SLTM: variants seen among roughly 807,000 people sequenced by gnomAD.
The protein encoded by SLTM is SAFB-like transcription modulator.
Under a neutral mutation model 134.6 loss-of-function variants are expected in SLTM, and 43 were observed. The ratio of observed to expected loss-of-function variants is 0.32; its 90% CI spans 0.25 to 0.41. SLTM has a LOEUF of 0.41. Among genes scored for constraint, SLTM ranks in the 10% least tolerant of loss-of-function variants. The pLI is 1.00. For synonymous variants in SLTM, 424 were observed against 432.3 expected, an observed-to-expected ratio of 0.98 and a Z score of 0.24; for missense variants, 1,055 against 1,288.8, an observed-to-expected ratio of 0.82 and a Z score of 2.78.
chr15:58,884,172 A>C (rs1411107366), intron 19 of SLTM, among the ~76,000 whole-genome samples: 7 of 152,112 alleles, frequency 4.6e-5, no homozygotes, highest in Admixed American at 2.6e-4. Context: ...GTGTGCTTTT[A>C]ATGTCAGAAG....
chr15:58,908,062 C>CT (rs71119416), intron 5 of SLTM, among the ~76,000 whole-genome samples: 87,272 of 134,930 alleles, frequency 0.65, 29,122 homozygotes, highest in Middle Eastern at 0.78. Flanking sequence ...CTTTTTCTTT[C>CT]TTTTTTTTTT....
intron 2 of SLTM, among the ~76,000 whole-genome samples, chr15:58,920,622 CA>C (rs1193884497): frequency 1.3e-5 from 1 of 78,958 alleles, no homozygotes; most frequent in Non-Finnish European, 2.4e-5. Context: ...GACTCCATCT[CA>C]AAATAATAAA....
At chr15:58,890,042 T>C in intron 15 of SLTM, 2 of 545,704 alleles carry the variant, frequency 3.7e-6, no homozygotes, top group Admixed American at 3.2e-5. Context: ...ATGCTCAGAC[T>C]ATTAGGCTGC....
At chr15:58,925,558 G>A (rs1299932958) in intron 2 of SLTM, among the ~76,000 whole-genome samples, 2 of 151,960 alleles carry the variant, frequency 1.3e-5, no homozygotes, top group African/African-American at 2.4e-5. Context: ...TGCTGGTCTC[G>A]AACTCCTGAC....
At chr15:58,905,920 T>G (rs1296298846) in intron 5 of SLTM, among the ~76,000 whole-genome samples, 1 of 152,212 alleles carries the variant, frequency 6.6e-6, no homozygotes, top group Non-Finnish European at 1.5e-5. Context: ...TGACATACAT[T>G]TATATGCCGG....
chr15:58,906,148 A>T (rs2035852540), intron 5 of SLTM, among the ~76,000 whole-genome samples: 1 of 152,248 alleles, frequency 6.6e-6, no homozygotes, highest in African/African-American at 2.4e-5. Context: ...ACAATGGGAA[A>T]CTTTCCCTGT....
At chr15:58,886,856 G>C in intron 19 of SLTM, 119 bp downstream of exon 19, 1 of 1,239,736 alleles carries the variant, frequency 8.1e-7, no homozygotes, top group East Asian at 2.4e-5. Context: ...TAATGCCTCT[G>C]AATCATTCCA....
At chr15:58,922,431 A>T (rs1434180013) in intron 2 of SLTM, among the ~76,000 whole-genome samples, 1 of 142,536 alleles carries the variant, frequency 7.0e-6, no homozygotes, top group African/African-American at 2.5e-5. Flanking sequence ...CTCAGAACCT[A>T]GTACAACACT....
At position 58,928,257 on chromosome 15, in the gene SLTM, CAA is replaced by C. The variant is rs578125243; in HGVS notation, c.250+4097_250+4098del. The stretch of plus-strand genomic sequence containing the variant: ...AAGGATATGCCAGCATCAGGTAAAC[CAA>C]AAGTCTTTAAATCTATAATCTCTAA... On this transcript the variant is annotated intron_variant, in intron 2 of 20. Transcript: ENST00000380516. Among the ~76,000 whole-genome samples the C allele has an allele frequency of 1.6e-4, 24 of 152,142 alleles. No homozygotes were observed. In the South Asian group the frequency reaches 2.5e-3, roughly 16 times the overall value.
intron 2 of SLTM, among the ~76,000 whole-genome samples, chr15:58,921,071 A>C (rs542061005): frequency 2.2e-4 from 34 of 152,242 alleles, no homozygotes; most frequent in Non-Finnish European, 2.8e-4. Context: ...CTCTTCTTTT[A>C]GTGAAAAACA....
chr15:58,894,672 T>A, intron 9 of SLTM, 90 bp from the exon 10 acceptor site: 1 of 1,208,606 alleles, frequency 8.3e-7, no homozygotes, highest in Non-Finnish European at 1.2e-6. Flanking sequence ...TGAAACTATA[T>A]ATTAATTCAG....
At chr15:58,903,896 A>G (rs573373855) in intron 5 of SLTM, among the ~76,000 whole-genome samples, 1 of 152,352 alleles carries the variant, frequency 6.6e-6, no homozygotes, top group Admixed American at 6.5e-5. Flanking sequence ...TTAGATTCAT[A>G]TAAAAGCATG....
chr15:58,912,705 G>T, intron 4 of SLTM, 95 bp from the exon 5 acceptor site: 1 of 1,002,280 alleles, frequency 1.0e-6, no homozygotes, highest in Non-Finnish European at 1.5e-6. Flanking sequence ...TTTGCCTTGT[G>T]TTCTGTATAA....
chr15:58,921,015 C>T (rs866784623), intron 2 of SLTM, among the ~76,000 whole-genome samples: 23 of 152,224 alleles, frequency 1.5e-4, no homozygotes, highest in South Asian at 2.1e-4. Flanking sequence ...TGGCAGTCCT[C>T]AGCATAATGA....
rs368918193 is a variant in SLTM at position 58,888,366 on chromosome 15, C to G, written c.2375+19G>C. 3 of 1,562,632 alleles carry G rather than the reference C, an allele frequency of 1.9e-6. No individual in the cohort carries two copies. Among genetic ancestry groups the G allele is most frequent in the Non-Finnish European group, 2.6e-6 (3 of 1,157,934 alleles). On this transcript the variant is annotated intron_variant, in intron 17 of 20. Coordinates refer to ENST00000380516, the MANE Select transcript of SLTM (RefSeq NM_024755.4). ...AGCAAGGCTCATAAAATAAATATAA[C>G]AATTTTCAACATATCTACCTTTCAA...
intron 2 of SLTM, among the ~76,000 whole-genome samples, chr15:58,924,386 C>T (rs1456016873): frequency 6.6e-6 from 1 of 152,070 alleles, no homozygotes; most frequent in Non-Finnish European, 1.5e-5. Flanking sequence ...TTTGTATAAG[C>T]CCAAAAATTC....
At chr15:58,918,091 A>G in intron 2 of SLTM, among the ~76,000 whole-genome samples, 1 of 152,218 alleles carries the variant, frequency 6.6e-6, no homozygotes, top group South Asian at 2.1e-4. Flanking sequence ...CCACATTAAA[A>G]AAAAAAAAAA....
intron 7 of SLTM, 120 bp from the exon 8 acceptor site, chr15:58,898,972 A>G: frequency 1.5e-6 from 1 of 687,552 alleles, no homozygotes. Context: ...AACAATTCCA[A>G]AGGCCTAGAT....
chr15:58,899,376 T>C lies in SLTM; in HGVS notation c.1058+93A>G, dbSNP rs535985988. The C allele has an allele frequency of 9.4e-6, 9 of 962,274 alleles. No individual in the cohort carries two copies. The highest frequency in any genetic ancestry group is 2.2e-4 in the Middle Eastern group (1 of 4,600). 59.6% of individuals were successfully genotyped at this position (962,274 alleles called of 1,614,324 possible). A position where few individuals can be genotyped will look rare whatever the true frequency, so the allele number is the denominator to read the frequency against. On this transcript the variant is annotated intron_variant, in intron 7 of 20. Coordinates refer to ENST00000380516, the MANE Select transcript of SLTM (RefSeq NM_024755.4). The surrounding 1 kb of genome is among the most constrained non-coding windows in gnomAD (Gnocchi z 5.0). ...GGCAGGATCATAAGACACTAATTAC[T>C]GTACATGTTCTTGAAGCCACCCCCT...
Sources: allele counts gnomAD v4.1 joint callset (sites outside exome capture counted in the v4.1 genomes callset), GRCh38; gene constraint gnomAD v4.1.1; non-coding constraint Gnocchi (gnomAD v3.1); transcripts MANE v1.5; gene names NCBI Gene and HGNC (gene_info 2026-07-23, HGNC 2026-07-21).